The following SLC25A12 variants were observed in gnomAD, a reference collection of about 807,000 sequenced individuals.
The protein encoded by SLC25A12 is solute carrier family 25 member 12.
Under a neutral mutation model 83.3 loss-of-function variants are expected in SLC25A12, and 32 were observed. That is an observed-to-expected ratio of 0.38 (90% CI 0.29 to 0.52). The LOEUF is 0.52. Ranked by LOEUF, SLC25A12 falls within the 20% of genes least tolerant of loss-of-function variation. The pLI, the probability that SLC25A12 is intolerant of heterozygous loss-of-function variation, is 0.84. For missense variants in SLC25A12, 611 were observed against 835.6 expected (o/e 0.73, Z 3.31); for synonymous variants, 267 against 291.1 (o/e 0.92, Z 0.84).
chr2:171,808,058 C>A (rs1455471326), intron 13 of SLC25A12, among the ~76,000 whole-genome samples: 1 of 152,246 alleles, frequency 6.6e-6, no homozygotes, highest in African/African-American at 2.4e-5. Context: ...TTAGCCAAGA[C>A]TGTCAGCCAA....
intron 11 of SLC25A12, 123 bp from the exon 12 acceptor site, chr2:171,810,399 G>A: frequency 1.2e-6 from 1 of 812,762 alleles, no homozygotes; most frequent in African/African-American, 1.7e-5. Context: ...TCATTAAAAT[G>A]GGAAAAAGAT....
At chr2:171,820,169 C>T (rs1157051183) in intron 9 of SLC25A12, among the ~76,000 whole-genome samples, 1 of 152,068 alleles carries the variant, frequency 6.6e-6, no homozygotes, top group Non-Finnish European at 1.5e-5. Flanking sequence ...CAAAAAAACC[C>T]CATGACACGT....
rs138997038 is a variant in SLC25A12, at chr2:171,834,608, A to T, written c.751+119T>A. 4.0e-4 allele frequency: 465 copies of T among 1,154,140 alleles called. 3 individuals carry two copies. In the East Asian group the frequency reaches 8.7e-3, roughly 22 times the overall value. The allele number at this position is 1,154,140 out of a possible 1,614,324, so 71.5% of individuals were successfully genotyped here. On this transcript the variant is annotated intron_variant, in intron 7 of 17. Coordinates refer to ENST00000422440, the MANE Select transcript of SLC25A12 (RefSeq NM_003705.5). ...TGGAGCCCAAGTAAAGCATACATAC[A>T]CATGGTAACATACTTTCTAGATCTG...
At chr2:171,874,180 C>A (rs1332650159) in intron 2 of SLC25A12, among the ~76,000 whole-genome samples, 1 of 150,044 alleles carries the variant, frequency 6.7e-6, no homozygotes, top group Non-Finnish European at 1.5e-5. Context: ...GAGCCGAGAT[C>A]GCACCATTAC....
intron 9 of SLC25A12, among the ~76,000 whole-genome samples, chr2:171,822,189 A>G (rs1684207033): frequency 1.3e-5 from 2 of 152,210 alleles, no homozygotes; most frequent in Non-Finnish European, 2.9e-5. Flanking sequence ...GGGTAGATTA[A>G]GCAGTTGTGT....
intron 17 of SLC25A12, among the ~76,000 whole-genome samples, chr2:171,786,382 TAAAAAAA>T (rs5836348): frequency 1.0e-4 from 9 of 85,826 alleles, no homozygotes; most frequent in Non-Finnish European, 1.6e-4. Context: ...AGACTCCGTC[TAAAAAAA>T]AAAAAAAAAA....
intron 13 of SLC25A12, among the ~76,000 whole-genome samples, chr2:171,797,818 A>G (rs1028684587): frequency 6.6e-6 from 1 of 152,224 alleles, no homozygotes; most frequent in African/African-American, 2.4e-5. Flanking sequence ...ATACACAGCT[A>G]TATAAATGTA....
chr2:171,887,553 CTTCA>C (rs1350173124), intron 2 of SLC25A12, among the ~76,000 whole-genome samples: 2 of 152,190 alleles, frequency 1.3e-5, no homozygotes, highest in African/African-American at 4.8e-5. Flanking sequence ...AAAATTAACT[CTTCA>C]TTTAGAAATT....
chr2:171,791,345 G>A, intron 15 of SLC25A12, 106 bp downstream of exon 15: 1 of 981,560 alleles, frequency 1.0e-6, no homozygotes. Context: ...ACTAAGTCAG[G>A]TACAAACAAT....
chr2:171,849,731 T>G (rs1240390745), intron 4 of SLC25A12, among the ~76,000 whole-genome samples: 1 of 152,036 alleles, frequency 6.6e-6, no homozygotes, highest in Non-Finnish European at 1.5e-5. Flanking sequence ...AATTTTTTTG[T>G]ATTTTTAGTA....
chr2:171,803,616 G>A (rs990078540), intron 13 of SLC25A12, among the ~76,000 whole-genome samples: 4 of 152,086 alleles, frequency 2.6e-5, no homozygotes, highest in Non-Finnish European at 5.9e-5. Flanking sequence ...ACAATAAGAA[G>A]TGTTATCAAA....
intron 13 of SLC25A12, among the ~76,000 whole-genome samples, chr2:171,804,628 G>A (rs2105852105): frequency 6.6e-6 from 1 of 152,316 alleles, no homozygotes. Flanking sequence ...TAGTTGCCTA[G>A]AGGCCAAGTG....
At chr2:171,820,756 G>A (rs1684172584) in intron 9 of SLC25A12, among the ~76,000 whole-genome samples, 2 of 150,924 alleles carry the variant, frequency 1.3e-5, no homozygotes, top group East Asian at 1.9e-4. Flanking sequence ...AAAAAGAGAA[G>A]GTTTGTTTTC....
intron 10 of SLC25A12, 59 bp from the exon 11 acceptor site, chr2:171,813,556 AG>A (rs1227989358): frequency 1.3e-6 from 2 of 1,524,530 alleles, no homozygotes; most frequent in Admixed American, 3.3e-5. Flanking sequence ...AGAGTCCATA[AG>A]GATGACAAAT....
chr2:171,860,262 T>A (rs1030029134), intron 3 of SLC25A12, among the ~76,000 whole-genome samples: 1 of 152,196 alleles, frequency 6.6e-6, no homozygotes, highest in African/African-American at 2.4e-5. Flanking sequence ...GTTTTCTTAC[T>A]ATGTGCGAGT....
chr2:171,886,890 G>T (rs981050221), intron 2 of SLC25A12, among the ~76,000 whole-genome samples: 89 of 152,144 alleles, frequency 5.8e-4, no homozygotes, highest in African/African-American at 1.8e-3. Flanking sequence ...TTGTTCAAAT[G>T]ATATTTTCTT....
intron 2 of SLC25A12, among the ~76,000 whole-genome samples, chr2:171,878,867 T>A (rs1478816170): frequency 1.3e-5 from 2 of 152,244 alleles, no homozygotes; most frequent in Non-Finnish European, 2.9e-5. Context: ...TGTCCTTCAC[T>A]ATTATGGCTC....
chr2:171,860,526 C>T (rs534285364), intron 3 of SLC25A12, among the ~76,000 whole-genome samples: 179 of 152,126 alleles, frequency 1.2e-3, no homozygotes, highest in African/African-American at 4.1e-3. Context: ...TGCTTGAACC[C>T]GCGAGGTAGA....
chr2:171,892,549 T>C (rs1685965574), intron 2 of SLC25A12, among the ~76,000 whole-genome samples: 1 of 151,976 alleles, frequency 6.6e-6, no homozygotes, highest in Admixed American at 6.6e-5. Flanking sequence ...AAGTACAATT[T>C]CCTGCATAGG....
Sources: allele counts gnomAD v4.1 joint callset (sites outside exome capture counted in the v4.1 genomes callset), GRCh38; gene constraint gnomAD v4.1.1; transcripts MANE v1.5; gene names NCBI Gene and HGNC (gene_info 2026-07-23, HGNC 2026-07-21).